Variants in INSR observed in about 807,000 individuals in gnomAD.
INSR encodes insulin receptor, also known as IR.
In INSR, 67 loss-of-function variants were observed where a neutral mutation model predicts 142.6. The ratio of observed to expected loss-of-function variants is 0.47; its 90% confidence interval spans 0.39 to 0.58. The LOEUF (loss-of-function observed/expected upper bound fraction) is 0.58. INSR is among the 20% of genes least tolerant of loss of function. The pLI is 0.00. For missense variants in INSR, 1,248 were observed against 1,833.2 expected (o/e 0.68, Z 5.83); for synonymous variants, 756 against 743.1 (o/e 1.02, Z -0.28).
intron 9 of INSR, among the ~76,000 whole-genome samples, chr19:7,160,854 C>T (rs916060440): frequency 1.3e-5 from 2 of 151,328 alleles, no homozygotes; most frequent in Non-Finnish European, 2.9e-5. Flanking sequence ...AAAAATTAGC[C>T]GGTGTAGTGG....
chr19:7,193,068 G>A (rs951245678), intron 2 of INSR, among the ~76,000 whole-genome samples: 1 of 151,840 alleles, frequency 6.6e-6, no homozygotes, highest in African/African-American at 2.4e-5. Context: ...GCAAAGGAAC[G>A]AATCTTGCAC....
At chr19:7,196,259 A>T (rs1312425216) in intron 2 of INSR, among the ~76,000 whole-genome samples, 1 of 152,200 alleles carries the variant, frequency 6.6e-6, no homozygotes, top group African/African-American at 2.4e-5. Context: ...TTCTTAGGAA[A>T]TATCCACTGA....
At chr19:7,170,137 A>G (rs1021194322) in intron 6 of INSR, among the ~76,000 whole-genome samples, 16 of 152,244 alleles carry the variant, frequency 1.1e-4, no homozygotes, top group African/African-American at 3.9e-4. Context: ...CATCGCTTGC[A>G]TGACCACCTG....
At chr19:7,160,346 C>A (rs1033242760) in intron 9 of INSR, among the ~76,000 whole-genome samples, 9 of 151,856 alleles carry the variant, frequency 5.9e-5, no homozygotes, top group Non-Finnish European at 1.3e-4. Context: ...GGGGTTTTGC[C>A]ATATTGGCCA....
At chr19:7,195,922 CTTTTCTTT>C (rs1012253708) in intron 2 of INSR, among the ~76,000 whole-genome samples, 1 of 85,736 alleles carries the variant, frequency 1.2e-5, no homozygotes, top group African/African-American at 4.8e-5. Context: ...AACTTTCTTT[CTTTTCTTT>C]CTTTTTTTTT....
chr19:7,158,360 G>C (rs1186556449), intron 9 of INSR, among the ~76,000 whole-genome samples: 1 of 152,146 alleles, frequency 6.6e-6, no homozygotes, highest in East Asian at 1.9e-4. Flanking sequence ...AATTAGCCGG[G>C]CGTGGTGGCG....
At chr19:7,270,644 G>A (rs958174781) in intron 1 of INSR, among the ~76,000 whole-genome samples, 3 of 152,020 alleles carry the variant, frequency 2.0e-5, no homozygotes, top group African/African-American at 2.4e-5. Context: ...TGTAATTCCA[G>A]CTACTTGGGA....
chr19:7,138,397 A>G (rs957443450), intron 13 of INSR, among the ~76,000 whole-genome samples: 1 of 152,080 alleles, frequency 6.6e-6, no homozygotes. Context: ...TTGGAGACAG[A>G]GTCTTCTTGC....
rs192239169 is a variant in INSR, at chr19:7,261,324, G to A, written c.652+6021C>T. On this transcript the variant is annotated intron_variant, in intron 2 of 21. Coordinates refer to ENST00000302850, the MANE Select transcript of INSR (RefSeq NM_000208.4). Reference sequence around the variant, plus strand: ...CTGGCTCCCTTCCTATGCCCTGAGCGCCCCAGAACATGACACCTAGTAGGC... The same window carrying A: ...CTGGCTCCCTTCCTATGCCCTGAGCACCCCAGAACATGACACCTAGTAGGC... 2.5e-4 allele frequency among the ~76,000 whole-genome samples: 38 copies of A among 152,126 alleles called. No homozygotes were observed. In the East Asian group the frequency reaches 5.8e-3, roughly 23 times the overall value.
At chr19:7,121,833 T>TG (rs1303856443) in intron 19 of INSR, among the ~76,000 whole-genome samples, 2 of 152,162 alleles carry the variant, frequency 1.3e-5, no homozygotes, top group South Asian at 2.1e-4. Flanking sequence ...TGACAGCTGG[T>TG]GGGGGGTCCC....
At chr19:7,251,281 A>G (rs1048893295) in intron 2 of INSR, among the ~76,000 whole-genome samples, 2 of 152,056 alleles carry the variant, frequency 1.3e-5, no homozygotes, top group Non-Finnish European at 2.9e-5. Context: ...TTTTTGAGCC[A>G]GGGTCTTGCT....
At chr19:7,145,195 T>C (rs1973160480) in intron 11 of INSR, among the ~76,000 whole-genome samples, 1 of 151,672 alleles carries the variant, frequency 6.6e-6, no homozygotes, top group Non-Finnish European at 1.5e-5. Flanking sequence ...CTTTTATGTA[T>C]CGTGCTATAC....
chr19:7,118,593 C>T (rs1204141489), intron 21 of INSR, among the ~76,000 whole-genome samples: 1 of 151,976 alleles, frequency 6.6e-6, no homozygotes, highest in East Asian at 1.9e-4. Flanking sequence ...CTTGGGATTA[C>T]AGGCGTGAGC....
intron 2 of INSR, among the ~76,000 whole-genome samples, chr19:7,185,795 A>T (rs1216600277): frequency 7.4e-6 from 1 of 136,032 alleles, no homozygotes; most frequent in Non-Finnish European, 1.5e-5. Context: ...GTGAGCCATG[A>T]TCGTGCCACT....
intron 1 of INSR, among the ~76,000 whole-genome samples, chr19:7,275,958 A>G (rs1968052948): frequency 2.0e-5 from 3 of 152,110 alleles, no homozygotes; most frequent in Non-Finnish European, 2.9e-5. Context: ...GAAGGAGAGA[A>G]GGCGGACATG....
intron 2 of INSR, among the ~76,000 whole-genome samples, chr19:7,218,259 G>A (rs1215523069): frequency 1.3e-5 from 2 of 151,926 alleles, no homozygotes; most frequent in Non-Finnish European, 2.9e-5. Context: ...GGGAGGCCAG[G>A]GATGCTAGTA....
chr19:7,157,908 A>T (rs1261199147), intron 9 of INSR, among the ~76,000 whole-genome samples: 1 of 151,922 alleles, frequency 6.6e-6, no homozygotes, highest in East Asian at 1.9e-4. Context: ...TTAAAAGCCT[A>T]TGAGAGACTG....
chr19:7,119,730 ACG>A lies in INSR; in HGVS notation c.3660-149_3660-148del. ...TGCAAACACACACATGCAAACACAC[ACG>A]CACATACACGTGCACACACATGCAA... On this transcript the variant is annotated intron_variant, in intron 20 of 21. Transcript: ENST00000302850. The surrounding 1 kb of genome is among the most constrained non-coding windows in gnomAD (Gnocchi z 5.2). 1.2e-6 allele frequency: 1 copy of A among 860,212 alleles called. No individual in the cohort carries two copies. Among genetic ancestry groups the A allele is most frequent in the South Asian group, 1.4e-5 (1 of 71,770 alleles). The allele number at this position is 860,212 out of a possible 1,614,324, so 53.3% of individuals were successfully genotyped here.
At chr19:7,234,975 G>A (rs113350400) in intron 2 of INSR, among the ~76,000 whole-genome samples, 2 of 151,908 alleles carry the variant, frequency 1.3e-5, no homozygotes, top group African/African-American at 4.8e-5. Context: ...GGAGAATGGC[G>A]TGAACCCGGG....
Sources: gnomAD v4.1 joint callset for allele counts (sites outside exome capture counted in the v4.1 genomes callset) on GRCh38, gnomAD v4.1.1 for gene constraint, Gnocchi (gnomAD v3.1) non-coding constraint, MANE v1.5 for transcripts, NCBI Gene and HGNC (gene_info 2026-07-23, HGNC 2026-07-21) for gene names.